ST8SIA6: variants seen among roughly 807,000 people sequenced by gnomAD.
ST8SIA6 encodes alpha-2,8-sialyltransferase 8F.
ST8SIA6 carries 39 observed loss-of-function variants against 33.6 expected under a neutral mutation model. The ratio of observed to expected loss-of-function variants is 1.16; its 90% CI spans 0.90 to 1.52. ST8SIA6 has a LOEUF of 1.52. Ranked by LOEUF, ST8SIA6 falls within the 40% of genes most tolerant of loss-of-function variation. The pLI, the probability that ST8SIA6 is intolerant of heterozygous loss-of-function variation, is 0.00. For synonymous variants in ST8SIA6, 172 were observed against 167.2 expected (o/e 1.03, Z -0.22); for missense variants, 441 against 443.8 (o/e 0.99, Z 0.06).
intron 2 of ST8SIA6, among the ~76,000 whole-genome samples, chr10:17,432,057 A>T (rs1852118872): frequency 6.6e-6 from 1 of 151,444 alleles, no homozygotes; most frequent in Admixed American, 6.6e-5. Context: ...TATCTGGGGG[A>T]TGCTCATGAA....
At chr10:17,328,634 A>T (rs1434305766) in intron 5 of ST8SIA6, among the ~76,000 whole-genome samples, 1 of 151,782 alleles carries the variant, frequency 6.6e-6, no homozygotes, top group East Asian at 1.9e-4. Context: ...ATTTCCTTTA[A>T]TTTCCCCTCA....
At chr10:17,405,890 A>T (rs1851239287) in intron 2 of ST8SIA6, among the ~76,000 whole-genome samples, 1 of 136,922 alleles carries the variant, frequency 7.3e-6, no homozygotes, top group Non-Finnish European at 1.5e-5. Context: ...ATTTCAAAAA[A>T]AAAAAAAAAA....
At chr10:17,401,074 C>T (rs1851020757) in intron 2 of ST8SIA6, among the ~76,000 whole-genome samples, 1 of 152,176 alleles carries the variant, frequency 6.6e-6, no homozygotes, top group Admixed American at 6.5e-5. Context: ...TAAGCAACTT[C>T]AGCAAAGTCT....
chr10:17,335,492 C>T (rs1265485696), intron 4 of ST8SIA6, among the ~76,000 whole-genome samples: 2 of 152,066 alleles, frequency 1.3e-5, no homozygotes, highest in Non-Finnish European at 2.9e-5. Flanking sequence ...ATATTTGCAC[C>T]TCAAAGTTAA....
chr10:17,444,564 T>C (rs1321727561), intron 2 of ST8SIA6, among the ~76,000 whole-genome samples: 3 of 152,152 alleles, frequency 2.0e-5, no homozygotes, highest in Non-Finnish European at 4.4e-5. Context: ...TCCCTGGCTC[T>C]CCTGTGCACG....
At chr10:17,403,172 G>A (rs1360602862) in intron 2 of ST8SIA6, among the ~76,000 whole-genome samples, 2 of 152,186 alleles carry the variant, frequency 1.3e-5, no homozygotes, top group Non-Finnish European at 2.9e-5. Context: ...AGTCCTTTGG[G>A]CAGTCAAAGT....
chr10:17,402,411 C>A (rs1055332839), intron 2 of ST8SIA6, among the ~76,000 whole-genome samples: 2 of 152,154 alleles, frequency 1.3e-5, no homozygotes, highest in African/African-American at 4.8e-5. Context: ...CCATTTGACC[C>A]AGCCATCCCA....
intron 3 of ST8SIA6, among the ~76,000 whole-genome samples, chr10:17,375,461 TCTTCAGTTCA>T (rs1435847937): frequency 1.3e-5 from 2 of 152,176 alleles, no homozygotes; most frequent in Non-Finnish European, 2.9e-5. Context: ...TTAGGGCAAG[TCTTCAGTTCA>T]CTTTGCATTT....
chr10:17,346,016 C>T lies in ST8SIA6; in HGVS notation c.377+13498G>A, dbSNP rs552775781. On this transcript the variant is annotated intron_variant, in intron 4 of 7. Coordinates refer to ENST00000377602, the MANE Select transcript of ST8SIA6 (RefSeq NM_001004470.3). The stretch of plus-strand genomic sequence containing the variant: ...AAGTGACATTCTGGGATTTCCAATG[C>T]GAGGTCATAGAAAGTGTTGTGGCTT... Among the ~76,000 whole-genome samples, 15 of 152,176 alleles carry T rather than the reference C, an allele frequency of 9.9e-5. No homozygotes were observed. The South Asian group carries it at 1.4e-3, about 15-fold the overall frequency.
rs146224582 is a variant in ST8SIA6, at chr10:17,364,156, G to A, written c.291-4556C>T. On this transcript the variant is annotated intron_variant, in intron 3 of 7. Transcript: ENST00000377602. ...TTGCCTGTATATTGAGCTTAGTCTG[G>A]AACATTAAAATTGCCATCCATGGAC... 4.3e-4 allele frequency among the ~76,000 whole-genome samples: 66 copies of A among 152,272 alleles called. No homozygotes were observed. The East Asian group carries it at 0.012, about 27-fold the overall frequency.
At chr10:17,443,977 G>T (rs999490654) in intron 2 of ST8SIA6, among the ~76,000 whole-genome samples, 17 of 152,162 alleles carry the variant, frequency 1.1e-4, no homozygotes, top group African/African-American at 3.6e-4. Context: ...CAAAAGAGGG[G>T]ATATATTTCT....
chr10:17,437,496 C>T (rs1029747268), intron 2 of ST8SIA6, among the ~76,000 whole-genome samples: 4 of 151,912 alleles, frequency 2.6e-5, no homozygotes, highest in Non-Finnish European at 5.9e-5. Context: ...ATTTTGATTT[C>T]AGCATACTTG....
At chr10:17,379,214 AG>A (rs199860319) in intron 3 of ST8SIA6, among the ~76,000 whole-genome samples, 3,051 of 152,182 alleles carry the variant, frequency 0.02, 53 homozygotes, top group Admixed American at 0.032. Context: ...GTACAATAGT[AG>A]GGGACTATTA....
intron 3 of ST8SIA6, among the ~76,000 whole-genome samples, chr10:17,373,014 C>T (rs753480315): frequency 3.7e-4 from 57 of 152,088 alleles, no homozygotes; most frequent in Non-Finnish European, 6.9e-4. Context: ...ACCTACAGAT[C>T]GAGGGTACAG....
At chr10:17,405,060 T>G (rs1003428466) in intron 2 of ST8SIA6, among the ~76,000 whole-genome samples, 2 of 152,234 alleles carry the variant, frequency 1.3e-5, no homozygotes, top group African/African-American at 4.8e-5. Context: ...GATCTATACA[T>G]GTAAATGTAT....
chr10:17,399,705 C>T (rs1240439211), intron 2 of ST8SIA6, among the ~76,000 whole-genome samples: 2 of 151,572 alleles, frequency 1.3e-5, no homozygotes, highest in African/African-American at 4.9e-5. Flanking sequence ...GGTCTTGAGC[C>T]TAGGAGTTTG....
At chr10:17,345,365 C>T (rs1848801252) in intron 4 of ST8SIA6, among the ~76,000 whole-genome samples, 1 of 152,184 alleles carries the variant, frequency 6.6e-6, no homozygotes. Context: ...CACAATCATG[C>T]AAGCCCAAGG....
intron 2 of ST8SIA6, among the ~76,000 whole-genome samples, chr10:17,397,830 A>T (rs1850874037): frequency 6.6e-6 from 1 of 152,162 alleles, no homozygotes; most frequent in Non-Finnish European, 1.5e-5. Context: ...GGAAATCTTT[A>T]AAAAGGTTGG....
intron 6 of ST8SIA6, among the ~76,000 whole-genome samples, chr10:17,323,367 T>A (rs1198276550): frequency 1.3e-5 from 2 of 151,406 alleles, no homozygotes; most frequent in Non-Finnish European, 2.9e-5. Flanking sequence ...TTAGTTGACA[T>A]TTCAATGTTG....
Sources: allele counts gnomAD v4.1 joint callset (sites outside exome capture counted in the v4.1 genomes callset), GRCh38; gene constraint gnomAD v4.1.1; transcripts MANE v1.5; gene names NCBI Gene and HGNC (gene_info 2026-07-23, HGNC 2026-07-21).